The following ZMYM6 variants were observed in gnomAD, a reference collection of about 807,000 sequenced individuals.
ZMYM6 encodes the protein zinc finger MYM-type containing 6, also known as zinc finger MYM-type protein 6.
A neutral mutation model predicts 134.0 loss-of-function variants in ZMYM6; 90 were observed. The ratio of observed to expected loss-of-function variants is 0.67; its 90% CI spans 0.57 to 0.80. The LOEUF (loss-of-function observed/expected upper bound fraction) is 0.80. ZMYM6 is among the 30% of genes least tolerant of loss of function. The pLI, the probability that ZMYM6 is intolerant of heterozygous loss-of-function variation, is 0.00. For missense variants in ZMYM6, 1,362 were observed against 1,533.9 expected (o/e 0.89, Z 1.87); for synonymous variants, 481 against 524.1 (o/e 0.92, Z 1.12).
chr1:35,001,466 A>G (rs1373933686), intron 14 of ZMYM6, among the ~76,000 whole-genome samples: 1 of 152,142 alleles, frequency 6.6e-6, no homozygotes, highest in African/African-American at 2.4e-5. Context: ...TAAAAAACTA[A>G]ATAATTCAAA....
intron 11 of ZMYM6, 24 bp downstream of exon 11, chr1:35,008,728 A>G (rs1641031850): frequency 6.3e-7 from 1 of 1,591,296 alleles, no homozygotes; most frequent in African/African-American, 1.4e-5. Context: ...CAGAAAGCCA[A>G]AAAAAGTATA....
intron 14 of ZMYM6, among the ~76,000 whole-genome samples, chr1:35,000,183 C>T (rs146330468): frequency 2.6e-5 from 4 of 152,050 alleles, no homozygotes; most frequent in African/African-American, 9.6e-5. Flanking sequence ...TGATCCTTGG[C>T]GTCCCAAAGT....
intron 2 of ZMYM6, 182 bp downstream of exon 2, chr1:35,030,365 G>T: frequency 1.7e-6 from 1 of 576,314 alleles, no homozygotes; most frequent in Non-Finnish European, 3.0e-6. Context: ...CTGGGAGGTG[G>T]AGGCTGCAGT....
At chr1:35,021,735 G>C (rs1434895522) in intron 2 of ZMYM6, among the ~76,000 whole-genome samples, 1 of 152,152 alleles carries the variant, frequency 6.6e-6, no homozygotes, top group African/African-American at 2.4e-5. Context: ...AAAGATACAA[G>C]AGTGTCAATG....
Position 35,015,010 on chromosome 1 carries a change from C to T in ZMYM6, c.581G>A (p.Ser194Asn). ...TACATCAGCATTCTTCTGACACATA[C>T]TGCACTTAGTTGAAATGCTTTTGGT... ...IYTKSISTKC[S>N]MCQKNADTRF... Residue 194 changes from serine (S) to asparagine (N), a missense_variant, in exon 5 of 16, where the codon AGT (serine) becomes AAT (asparagine). By Grantham distance (46) the Ser-to-Asn change is conservative. This residue lies in a region of ZMYM6 where 503 missense variants were observed against 520.8 expected (regional missense o/e 0.97). Transcript: ENST00000357182. 2 of 1,612,992 alleles carry T rather than the reference C, an allele frequency of 1.2e-6. No homozygotes were observed. The highest frequency in any genetic ancestry group is 8.5e-7 in the Non-Finnish European group (1 of 1,179,796).
At position 35,010,910 on chromosome 1, in the gene ZMYM6, A is replaced by C; in HGVS notation, c.1189T>G (p.Ser397Ala). 1 of 1,613,410 alleles carries C rather than the reference A, an allele frequency of 6.2e-7. No individual in the cohort carries two copies. Among genetic ancestry groups the C allele is most frequent in the Non-Finnish European group, 8.5e-7 (1 of 1,179,788 alleles). The change falls in exon 9 of 16, where the codon TCC becomes GCC. Residue 397 changes from serine to alanine, a missense_variant. Coordinates refer to ENST00000357182, the MANE Select transcript of ZMYM6 (RefSeq NM_007167.4). ...SIGGGNTSAV[S>A]PSSIRGSAAA... ...GCAGAGCCACGGATGGAGCTGGGGG[A>C]AACGGCAGAGGTGTTACCTCCTCCT...
chr1:35,013,595 G>A (rs775168793), intron 6 of ZMYM6: 1 of 985,286 alleles, frequency 1.0e-6, no homozygotes, highest in African/African-American at 1.7e-5. Flanking sequence ...ATGTCCATAT[G>A]TCCATTACCA....
chr1:35,015,743 A>AAAAAAAAAAAAAATATATATATAT, intron 4 of ZMYM6, among the ~76,000 whole-genome samples: 6 of 106,460 alleles, frequency 5.6e-5, no homozygotes, highest in African/African-American at 4.0e-4. Context: ...AAAAAAAAAA[A>AAAAAAAAAAAAAATATATATATAT]ATATATATAT....
chr1:35,011,845 A>G (rs765069319), intron 8 of ZMYM6, 45 bp downstream of exon 8: 3 of 1,335,222 alleles, frequency 2.2e-6, no homozygotes, highest in Admixed American at 4.1e-5. Context: ...CCACAGATCG[A>G]TGCCTAACAG....
rs1338095231 is a variant in ZMYM6 at position 35,015,067 on chromosome 1, T to C, written c.524A>G (p.Glu175Gly). The C allele has an allele frequency of 6.2e-7, 1 of 1,613,910 alleles. No individual in the cohort carries two copies. The highest frequency in any genetic ancestry group is 8.5e-7 in the Non-Finnish European group (1 of 1,179,980). Residue 175 changes from glutamate (E) to glycine (G), a missense_variant, in exon 5 of 16, where the codon GAG (glutamate) becomes GGG (glycine). This residue lies in a region of ZMYM6 where 503 missense variants were observed against 520.8 expected (regional missense o/e 0.97). Coordinates refer to ENST00000357182, the MANE Select transcript of ZMYM6 (RefSeq NM_007167.4). Reference protein sequence around the residue: ...FCSQSCLSSYELKKKPVVTIY... With the variant: ...FCSQSCLSSYGLKKKPVVTIY... ...GGTAACAACAGGTTTTTTCTTTAGC[T>C]CATAAGATGACAAGCATGATTGGCT...
rs1640606803 is a variant in ZMYM6 at position 34,988,226 on chromosome 1, TATTTG to T, written c.2851_2855del (p.Gln951AsnfsTer4). The T allele has an allele frequency of 5.2e-6, 8 of 1,549,078 alleles. No individual in the cohort carries two copies. Among genetic ancestry groups the T allele is most frequent in the Non-Finnish European group, 6.1e-6 (7 of 1,146,008 alleles). ...TTAGTTCAAATATTTCAAAGCCAGT[TATTTG>T]AGTAGGCATTTCAATGCAAAATAAT... On this transcript the variant is annotated frameshift_variant, in exon 16 of 16. Coordinates refer to ENST00000357182, the MANE Select transcript of ZMYM6 (RefSeq NM_007167.4). LOFTEE classifies it high-confidence loss of function.
chr1:34,994,897 C>A (rs1467447187), intron 14 of ZMYM6, among the ~76,000 whole-genome samples: 1 of 145,300 alleles, frequency 6.9e-6, no homozygotes. Flanking sequence ...GAAGCCTATA[C>A]ACACATGTAT....
At chr1:34,992,139 G>T in intron 15 of ZMYM6, 95 bp downstream of exon 15, 2 of 1,489,344 alleles carry the variant, frequency 1.3e-6, no homozygotes, top group South Asian at 1.1e-5. Context: ...TCACATTTAA[G>T]ACTCTGTCAA....
chr1:34,995,064 G>A (rs1640755919), intron 14 of ZMYM6, among the ~76,000 whole-genome samples: 1 of 102,182 alleles, frequency 9.8e-6, no homozygotes, highest in East Asian at 5.4e-4. Flanking sequence ...GTATATATAT[G>A]TAATATATAT....
intron 4 of ZMYM6, among the ~76,000 whole-genome samples, chr1:35,015,743 A>AATATATATATAT (rs35800399): frequency 3.9e-4 from 42 of 106,394 alleles, no homozygotes; most frequent in African/African-American, 2.5e-3. Context: ...AAAAAAAAAA[A>AATATATATATAT]ATATATATAT....
rs1391962844 is a variant in ZMYM6, at chr1:35,010,990, A to C, written c.1109T>G (p.Leu370Arg). The C allele has an allele frequency of 6.2e-7, 1 of 1,613,982 alleles. No individual in the cohort carries two copies. Among genetic ancestry groups the C allele is most frequent in the African/African-American group, 1.3e-5 (1 of 75,048 alleles). Reference sequence around the variant, plus strand: ...GCTTACAACCACTTGGCCCTGAGACAGGGGCACCGCCGAAGAGTTTGTTCC... The same window carrying C: ...GCTTACAACCACTTGGCCCTGAGACCGGGGCACCGCCGAAGAGTTTGTTCC... ...PKGTNSSAVPLSQGQVVVSPP... is the reference protein window; with the variant it reads ...PKGTNSSAVPRSQGQVVVSPP... Residue 370 changes from leucine (L) to arginine (R), a missense_variant, in exon 9 of 16, where the codon CTG becomes CGG. Coordinates refer to ENST00000357182, the MANE Select transcript of ZMYM6 (RefSeq NM_007167.4).
rs1641067717 is a variant in ZMYM6, at chr1:35,010,610, AAC to A, written c.1342-15_1342-14del. ...GAAACATTTTACCCTGCAGAGAAAC[AAC>A]AGTCCATTAAGAGCCAACTAAACAG... On this transcript the variant is annotated splice_polypyrimidine_tract_variant and intron_variant, in intron 9 of 15. Transcript: ENST00000357182. 3 of 1,602,350 alleles carry A rather than the reference AAC, an allele frequency of 1.9e-6. No homozygotes were observed. Among genetic ancestry groups the A allele is most frequent in the Non-Finnish European group, 2.5e-6 (3 of 1,176,578 alleles).
chr1:35,020,323 A>C, intron 3 of ZMYM6, 60 bp downstream of exon 3: 1 of 1,468,206 alleles, frequency 6.8e-7, no homozygotes. Context: ...CTTTCCCTCA[A>C]TTTTAAAAGT....
At position 34,992,606 on chromosome 1, in the gene ZMYM6, ATATAAATATAAAAATATATTTATAAAC is replaced by A. The variant is rs1336675528; in HGVS notation, c.1993-246_1993-220del. Among the ~76,000 whole-genome samples the A allele has an allele frequency of 1.8e-3, 214 of 117,210 alleles. 6 individuals are homozygous for A. In the South Asian group the frequency reaches 0.02, roughly 11 times the overall value. The allele number at this position is 117,210 out of a possible 152,430, so 76.9% of individuals were successfully genotyped here. A position where few individuals can be genotyped will look rare whatever the true frequency, so the allele number is the denominator to read the frequency against. Reference sequence around the variant, plus strand: ...TACTGATTTTAAAAAACATTTATAAATATAAATATAAAAATATATTTATAAACTATAAATATAAAAATATATTTATAA... The same window carrying A: ...TACTGATTTTAAAAAACATTTATAAATATAAATATAAAAATATATTTATAA... On this transcript the variant is annotated intron_variant, in intron 14 of 15. Transcript: ENST00000357182.
Sources: gnomAD v4.1 joint callset for allele counts (sites outside exome capture counted in the v4.1 genomes callset) on GRCh38, gnomAD v4.1.1 for gene constraint, gnomAD v4.1.1 regional missense constraint, MANE v1.5 for transcripts, NCBI Gene and HGNC (gene_info 2026-07-23, HGNC 2026-07-21) for gene names.